ANKMY1: variants seen among roughly 807,000 people sequenced by gnomAD.
ANKMY1 encodes the protein ankyrin repeat and MYND domain containing 1.
ANKMY1 carries 98 observed loss-of-function variants against 102.0 expected under a neutral mutation model. The observed-to-expected ratio is 0.96, with a 90% CI of 0.82 to 1.14. The LOEUF is 1.14. ANKMY1 is among the 50% of genes most tolerant of loss of function. The probability of loss-of-function intolerance (pLI) is 0.00; values close to 1 mark genes in which losing one functional copy is unlikely to be tolerated. For missense variants in ANKMY1, 1,330 were observed against 1,347.6 expected, an observed-to-expected ratio of 0.99 and a Z score of 0.20; for synonymous variants, 582 against 559.9, an observed-to-expected ratio of 1.04 and a Z score of -0.56.
Position 240,524,138 on chromosome 2 carries a change from C to A in ANKMY1, c.1579G>T (p.Val527Leu). The A allele has an allele frequency of 6.2e-7, 1 of 1,614,080 alleles. No homozygotes were observed. Among genetic ancestry groups the A allele is most frequent in the Middle Eastern group, 1.6e-4 (1 of 6,062 alleles). ...SSSLKGDSPL[V>L]KGSLGHVESG... is the part of the protein sequence containing the mutation. ...TCCACATGGCCAAGGCTGCCCTTCA[C>A]CAACGGGGAGTCCCCCTTCAGAGAG... The change falls in exon 8 of 18, where the codon GTG (valine) becomes TTG (leucine). Residue 527 changes from valine (V) to leucine (L), a missense_variant. Val to Leu is a conservative substitution (Grantham distance 32). Coordinates refer to ENST00000401804, the MANE Select transcript of ANKMY1 (RefSeq NM_001282771.3).
At chr2:240,488,105 T>A (rs2076260828) in intron 15 of ANKMY1, among the ~76,000 whole-genome samples, 2 of 152,196 alleles carry the variant, frequency 1.3e-5, no homozygotes, top group African/African-American at 2.4e-5. Context: ...TAGTCTCAAG[T>A]CTTGTGTTTA....
chr2:240,527,687 T>C (rs1337369568), intron 5 of ANKMY1: 2 of 152,550 alleles, frequency 1.3e-5, no homozygotes, highest in East Asian at 3.9e-4. Flanking sequence ...GGTAGGTAGA[T>C]GAATGGATGG....
chr2:240,500,935 C>G (rs952109006), intron 13 of ANKMY1, among the ~76,000 whole-genome samples: 2 of 152,254 alleles, frequency 1.3e-5, no homozygotes, highest in Admixed American at 1.3e-4. Flanking sequence ...AGCTCTTGTT[C>G]TTCATCAGAT....
chr2:240,546,163 C>T (rs1478160337), intron 4 of ANKMY1, among the ~76,000 whole-genome samples: 4 of 152,138 alleles, frequency 2.6e-5, no homozygotes, highest in South Asian at 2.1e-4. Context: ...GTGGATCTCT[C>T]GGCAGAAACC....
At position 240,499,434 on chromosome 2, in the gene ANKMY1, A is replaced by C; in HGVS notation, c.2806+524T>G. Among the ~76,000 whole-genome samples the C allele has an allele frequency of 7.3e-6, 1 of 136,162 alleles. No individual in the cohort carries two copies. The highest frequency in any genetic ancestry group is 2.4e-4 in the South Asian group (1 of 4,126). The allele number at this position is 136,162 out of a possible 152,430, so 89.3% of individuals were successfully genotyped here. ...GTGACCAGGTGGGTGGGAGGTGGGT[A>C]TGTGGGAGTGACTAGGTGGGTGGGG... is the stretch of plus-strand genomic sequence containing the variant. On this transcript the variant is annotated intron_variant, in intron 15 of 17. Transcript: ENST00000401804. The surrounding 1 kb of genome is among the most constrained non-coding windows in gnomAD (Gnocchi z 4.2).
intron 9 of ANKMY1, among the ~76,000 whole-genome samples, chr2:240,515,466 C>T (rs532916934): frequency 6.6e-6 from 1 of 151,900 alleles, no homozygotes; most frequent in East Asian, 2.0e-4. Context: ...ACCCAGGAGG[C>T]GGAGGCTGCA....
intron 8 of ANKMY1, chr2:240,522,846 G>A (rs973817668): frequency 6.6e-6 from 1 of 152,254 alleles, no homozygotes; most frequent in Admixed American, 6.5e-5. Context: ...GGGAAGCTAT[G>A]AAGGTCTTGG....
intron 1 of ANKMY1, 30 bp from the exon 2 acceptor site, chr2:240,557,382 C>T (rs748553176): frequency 3.5e-6 from 5 of 1,423,690 alleles, no homozygotes; most frequent in East Asian, 2.7e-5. Flanking sequence ...CGCACATGTG[C>T]CCCCAGGGCT....
At chr2:240,512,556 G>T (rs115945943) in intron 10 of ANKMY1, among the ~76,000 whole-genome samples, 2,424 of 152,350 alleles carry the variant, frequency 0.016, 30 homozygotes, top group Middle Eastern at 0.051. Flanking sequence ...ACGCCCTGTG[G>T]ACTGCCTGAA....
chr2:240,560,459 G>A (rs1286919598), upstream of ANKMY1: 2 of 582,840 alleles, frequency 3.4e-6, no homozygotes, highest in South Asian at 5.3e-5. Flanking sequence ...GCGCCCTGGT[G>A]AGGCCCAAAC....
rs1340794314 is a variant in ANKMY1, at chr2:240,528,360, G to A, written c.953+677C>T. 2.0e-5 allele frequency among the ~76,000 whole-genome samples: 3 copies of A among 147,166 alleles called. No homozygotes were observed. In the East Asian group the frequency reaches 5.9e-4, roughly 29 times the overall value. ...GCTGACTTTTCTGGAGCTCTGGGTAGGGTAGGAGGGTTTTTGGAAGACCAA... is the reference window on the plus strand; with the variant it reads ...GCTGACTTTTCTGGAGCTCTGGGTAAGGTAGGAGGGTTTTTGGAAGACCAA... On this transcript the variant is annotated intron_variant, in intron 5 of 17. Transcript: ENST00000401804.
Position 240,557,224 on chromosome 2 carries a change from C to A in ANKMY1, c.112G>T (p.Gly38Trp), listed in dbSNP as rs2092446307. The change falls in exon 2 of 18, where the codon GGG becomes TGG. Residue 38 changes from glycine (G) to tryptophan (W), a missense_variant. By Grantham distance (184) the Gly-to-Trp change is radical (BLOSUM62 -2). Coordinates refer to ENST00000401804, the MANE Select transcript of ANKMY1 (RefSeq NM_001282771.3). ...GGETPAAEEP[G>W]SLKNYAVFAT... is the part of the protein sequence containing the mutation. ...AAGACAGCGTAGTTCTTCAGGGACC[C>A]CGGCTCCTCGGCAGCAGGGGTCTCG... The A allele has an allele frequency of 6.3e-7, 1 of 1,587,420 alleles. No homozygotes were observed. The highest frequency in any genetic ancestry group is 2.3e-5 in the East Asian group (1 of 43,160).
intron 4 of ANKMY1, among the ~76,000 whole-genome samples, chr2:240,531,011 A>G (rs2085251009): frequency 6.6e-6 from 1 of 152,206 alleles, no homozygotes; most frequent in African/African-American, 2.4e-5. Context: ...AAATATTTAT[A>G]AGTATCAGAA....
At chr2:240,557,429 C>G (rs2092490353) in intron 1 of ANKMY1, 77 bp from the exon 2 acceptor site, 2 of 1,393,980 alleles carry the variant, frequency 1.4e-6, no homozygotes, top group Non-Finnish European at 9.4e-7. Context: ...AGGCCCGGCC[C>G]GCGGCCCCTG....
At chr2:240,526,524 C>T (rs1258600070) in intron 5 of ANKMY1, 79 bp from the exon 6 acceptor site, 1 of 1,575,250 alleles carries the variant, frequency 6.3e-7, no homozygotes, top group African/African-American at 1.3e-5. Context: ...GGACCACCTC[C>T]CTCCAATGCC....
Position 240,535,440 on chromosome 2 carries a change from G to A in ANKMY1, c.481-5931C>T, listed in dbSNP as rs866509829. On this transcript the variant is annotated intron_variant, in intron 4 of 17. Coordinates refer to ENST00000401804, the MANE Select transcript of ANKMY1 (RefSeq NM_001282771.3). The stretch of plus-strand genomic sequence containing the variant: ...GAGCAGGTTGTAAAATGTTTCTTAC[G>A]GGACCTAAAAGGGTGCCTGGCTCTT... Among the ~76,000 whole-genome samples the A allele has an allele frequency of 8.5e-5, 13 of 152,094 alleles. 1 individual carries two copies. Among genetic ancestry groups the A allele is most frequent in the Non-Finnish European group, 1.5e-4 (10 of 68,018 alleles).
chr2:240,507,870 C>A, intron 12 of ANKMY1, 179 bp from the exon 13 acceptor site: 1 of 658,032 alleles, frequency 1.5e-6, no homozygotes, highest in Non-Finnish European at 2.3e-6. Context: ...GCCTGTCCCA[C>A]AGAGGATGAT....
At chr2:240,501,173 G>A (rs2078124807) in intron 13 of ANKMY1, among the ~76,000 whole-genome samples, 1 of 151,656 alleles carries the variant, frequency 6.6e-6, no homozygotes, top group Admixed American at 6.6e-5. Flanking sequence ...GTGCATGCAT[G>A]TTCATAGGTG....
chr2:240,520,138 G>C lies in ANKMY1; in HGVS notation c.2004+224C>G. 1.3e-6 allele frequency: 1 copy of C among 768,524 alleles called. No individual in the cohort carries two copies. Among genetic ancestry groups the C allele is most frequent in the South Asian group, 1.5e-5 (1 of 67,892 alleles). 47.6% of individuals were successfully genotyped at this position (768,524 alleles called of 1,614,324 possible). A position where few individuals can be genotyped will look rare whatever the true frequency, so the allele number is the denominator to read the frequency against. ...GGAAAAAAATCACACGGATCGTGAA[G>C]TACTCTAAAAACTAGCTCGGTGTCC... On this transcript the variant is annotated intron_variant, in intron 9 of 17. Transcript: ENST00000401804. This position sits in a 1 kb window ranked among gnomAD's most constrained non-coding sequence, Gnocchi z 4.8.
Sources: gnomAD v4.1 joint callset for allele counts (sites outside exome capture counted in the v4.1 genomes callset) on GRCh38, gnomAD v4.1.1 for gene constraint, Gnocchi (gnomAD v3.1) non-coding constraint, MANE v1.5 for transcripts, NCBI Gene and HGNC (gene_info 2026-07-23, HGNC 2026-07-21) for gene names.